The following COL25A1 variants were observed in gnomAD, a reference collection of about 807,000 sequenced individuals.
The protein encoded by COL25A1 is collagen alpha-1(XXV) chain.
In COL25A1, 103 loss-of-function variants were observed where a neutral mutation model predicts 128.4. The ratio of observed to expected loss-of-function variants is 0.80; its 90% CI spans 0.68 to 0.94. COL25A1 has a LOEUF of 0.94. Ranked by LOEUF, COL25A1 falls within the 40% of genes least tolerant of loss-of-function variation. COL25A1 has a pLI of 0.00. For synonymous variants in COL25A1, 279 were observed against 277.2 expected (o/e 1.01, Z -0.06); for missense variants, 745 against 840.0 (o/e 0.89, Z 1.40).
At chr4:108,898,853 T>A (rs1742456618) in intron 15 of COL25A1, among the ~76,000 whole-genome samples, 1 of 152,154 alleles carries the variant, frequency 6.6e-6, no homozygotes. Context: ...GTTCTGAAGG[T>A]ACATCGGCAC....
chr4:109,255,614 T>C (rs953642901), intron 3 of COL25A1, among the ~76,000 whole-genome samples: 2 of 151,244 alleles, frequency 1.3e-5, no homozygotes, highest in African/African-American at 4.9e-5. Flanking sequence ...CTAACAATCA[T>C]TATTATGCAC....
chr4:109,080,237 G>A (rs1763723588), intron 3 of COL25A1, among the ~76,000 whole-genome samples: 1 of 152,098 alleles, frequency 6.6e-6, no homozygotes. Context: ...GCATAGTGAA[G>A]TTAAATAATT....
At chr4:109,155,589 T>C (rs139630836) in intron 3 of COL25A1, among the ~76,000 whole-genome samples, 2 of 152,200 alleles carry the variant, frequency 1.3e-5, no homozygotes, top group Non-Finnish European at 2.9e-5. Flanking sequence ...TCTTGCTACA[T>C]AGAAAGTAAT....
chr4:108,983,574 T>G (rs1290899426), intron 6 of COL25A1, among the ~76,000 whole-genome samples: 2 of 152,230 alleles, frequency 1.3e-5, no homozygotes, highest in Non-Finnish European at 2.9e-5. Flanking sequence ...TCTCACTGAC[T>G]TCAAGAATGA....
intron 6 of COL25A1, among the ~76,000 whole-genome samples, chr4:108,981,078 C>T (rs77945894): frequency 6.6e-6 from 1 of 152,284 alleles, no homozygotes; most frequent in Non-Finnish European, 1.5e-5. Flanking sequence ...GAATTTGGTA[C>T]CACAGTTTCT....
intron 3 of COL25A1, among the ~76,000 whole-genome samples, chr4:109,103,191 T>C (rs1002507931): frequency 6.6e-6 from 1 of 152,164 alleles, no homozygotes; most frequent in Admixed American, 6.5e-5. Flanking sequence ...TACATCACTA[T>C]GCAAAACAAA....
chr4:108,889,847 T>C (rs12641411), intron 16 of COL25A1, 114 bp from the exon 17 acceptor site: 469,381 of 812,252 alleles, frequency 0.58, 143,194 homozygotes, highest in East Asian at 1. Flanking sequence ...ATGACTAATG[T>C]GCCTAACTAC....
intron 3 of COL25A1, among the ~76,000 whole-genome samples, chr4:109,251,813 T>C (rs905905255): frequency 6.6e-6 from 1 of 152,216 alleles, no homozygotes; most frequent in Non-Finnish European, 1.5e-5. Context: ...CCTAGACCCA[T>C]AAATTCTGGC....
intron 3 of COL25A1, among the ~76,000 whole-genome samples, chr4:109,143,399 C>T (rs1024284368): frequency 3.3e-5 from 5 of 151,968 alleles, no homozygotes; most frequent in Admixed American, 1.3e-4. Flanking sequence ...TTGATCTTCT[C>T]GAGGAGTATC....
intron 8 of COL25A1, among the ~76,000 whole-genome samples, chr4:108,944,286 G>T (rs1331897592): frequency 6.6e-6 from 1 of 152,094 alleles, no homozygotes; most frequent in Non-Finnish European, 1.5e-5. Flanking sequence ...ATTCAGAAAT[G>T]CTACAAGTTT....
intron 12 of COL25A1, 69 bp downstream of exon 12, chr4:108,920,509 C>G (rs1331817736): frequency 2.5e-6 from 3 of 1,217,154 alleles, no homozygotes; most frequent in Non-Finnish European, 3.5e-6. Flanking sequence ...TAATTTCATT[C>G]ACCTCTCCTG....
intron 3 of COL25A1, among the ~76,000 whole-genome samples, chr4:109,086,650 C>T (rs1764407445): frequency 1.3e-5 from 2 of 152,142 alleles, no homozygotes; most frequent in Admixed American, 1.3e-4. Context: ...TCTAAATAAG[C>T]AATCAGTGTT....
At chr4:109,098,634 A>G (rs1021776640) in intron 3 of COL25A1, among the ~76,000 whole-genome samples, 6 of 152,246 alleles carry the variant, frequency 3.9e-5, no homozygotes, top group Non-Finnish European at 7.3e-5. Context: ...AGATCATTGA[A>G]GCCTTCATCA....
intron 17 of COL25A1, among the ~76,000 whole-genome samples, 195 bp downstream of exon 17, chr4:108,889,506 A>C (rs143861131): frequency 6.6e-6 from 1 of 151,666 alleles, no homozygotes; most frequent in African/African-American, 2.4e-5. Context: ...AGGGAAGAGA[A>C]TGCAAGACTT....
At chr4:109,188,783 A>G (rs1775351528) in intron 3 of COL25A1, among the ~76,000 whole-genome samples, 1 of 152,226 alleles carries the variant, frequency 6.6e-6, no homozygotes, top group African/African-American at 2.4e-5. Context: ...ATTATCTGCC[A>G]TGGAAATCCT....
rs531292287 is a variant in COL25A1 at position 108,964,960 on chromosome 4, C to T, written c.492+9407G>A. 2.2e-3 allele frequency among the ~76,000 whole-genome samples: 341 copies of T among 152,104 alleles called. 2 individuals are homozygous for T. The highest frequency in any genetic ancestry group is 8.0e-3 in the African/African-American group (333 of 41,482). ...TTTTCTCAGGCAATACATTCAGTAC[C>T]CAATGAGTAGTATATTCATTAAGGC... On this transcript the variant is annotated intron_variant, in intron 8 of 37. Transcript: ENST00000399132.
chr4:108,880,318 T>C (rs1374454844), intron 19 of COL25A1, among the ~76,000 whole-genome samples: 1 of 152,206 alleles, frequency 6.6e-6, no homozygotes, highest in African/African-American at 2.4e-5. Flanking sequence ...AGGAAAAGGG[T>C]ATAGTGTGAT....
chr4:108,832,405 C>T lies in COL25A1; in HGVS notation c.1685G>A (p.Gly562Asp). 6.2e-7 allele frequency: 1 copy of T among 1,610,836 alleles called. No individual in the cohort carries two copies. Among genetic ancestry groups the T allele is most frequent in the South Asian group, 1.1e-5 (1 of 90,624 alleles). The change falls in exon 32 of 38, where the codon GGC (glycine) becomes GAC (aspartate). Residue 562 changes from glycine to aspartate, a missense_variant. Physicochemically the swap from Gly to Asp is moderately conservative, Grantham distance 94 (BLOSUM62 -1). Coordinates refer to ENST00000399132, the MANE Select transcript of COL25A1 (RefSeq NM_198721.4). ...TCTTTCTCCTTTGGGACCTGCAGGG[C>T]CATGGGGTCCCATAGGACCATCTGT... ...KGTDGPMGPH[G>D]PAGPKGERGE...
intron 37 of COL25A1, among the ~76,000 whole-genome samples, chr4:108,814,920 T>C (rs1731108720): frequency 6.6e-6 from 1 of 152,190 alleles, no homozygotes; most frequent in South Asian, 2.1e-4. Context: ...TTAACATTTG[T>C]TTTTCTCTAT....
Sources: allele counts gnomAD v4.1 joint callset (sites outside exome capture counted in the v4.1 genomes callset), GRCh38; gene constraint gnomAD v4.1.1; transcripts MANE v1.5; gene names NCBI Gene and HGNC (gene_info 2026-07-23, HGNC 2026-07-21).